ERGIC3: variants seen among roughly 807,000 people sequenced by gnomAD.
The protein encoded by ERGIC3 is ERGIC and golgi 3.
In ERGIC3, 33 loss-of-function variants were observed where a neutral mutation model predicts 54.7. The ratio of observed to expected loss-of-function variants is 0.60; its 90% CI spans 0.46 to 0.81. The LOEUF (loss-of-function observed/expected upper bound fraction) is 0.81. Among genes scored for constraint, ERGIC3 ranks in the 30% least tolerant of loss-of-function variants. ERGIC3 has a pLI of 0.00. For missense variants in ERGIC3, 399 were observed against 488.4 expected (o/e 0.82, Z 1.73); for synonymous variants, 186 against 189.8 (o/e 0.98, Z 0.16).
At chr20:35,548,776 A>T (rs769569948) in intron 6 of ERGIC3, 32 bp from the exon 7 acceptor site, 1 of 1,614,242 alleles carries the variant, frequency 6.2e-7, no homozygotes, top group East Asian at 2.2e-5. Context: ...AGGAGGACAC[A>T]GCCAGTGAAT....
intron 4 of ERGIC3, among the ~76,000 whole-genome samples, chr20:35,545,721 T>C (rs76990836): frequency 0.015 from 2,231 of 152,218 alleles, 44 homozygotes; most frequent in South Asian, 0.079. Flanking sequence ...GAAGTGGGGA[T>C]CATTGAGGAC....
chr20:35,550,352 A>G (rs1176263429), intron 7 of ERGIC3, among the ~76,000 whole-genome samples: 4 of 152,142 alleles, frequency 2.6e-5, no homozygotes, highest in Non-Finnish European at 5.9e-5. Flanking sequence ...GCAGTAGCTC[A>G]TACCTGTAAT....
chr20:35,544,621 T>C, intron 4 of ERGIC3: 1 of 242,974 alleles, frequency 4.1e-6, no homozygotes, highest in Non-Finnish European at 8.8e-6. Flanking sequence ...TCTCGGATCA[T>C]GTCCCACATG....
rs528748526 is a variant in ERGIC3 at position 35,551,204 on chromosome 20, G to A, written c.685+2339G>A. Among the ~76,000 whole-genome samples the A allele has an allele frequency of 2.0e-5, 3 of 151,988 alleles. No individual in the cohort carries two copies. The South Asian group carries it at 6.2e-4, about 32-fold the overall frequency. ...AGCTACTCGGGAGGCTGAGGTAGGA[G>A]AATTGCTTGAACCCAGGAGGCGGAG... On this transcript the variant is annotated intron_variant, in intron 7 of 12. Coordinates refer to ENST00000348547, the MANE Select transcript of ERGIC3 (RefSeq NM_015966.3).
chr20:35,551,458 AGTTT>A (rs2064681457), intron 7 of ERGIC3, among the ~76,000 whole-genome samples: 1 of 152,162 alleles, frequency 6.6e-6, no homozygotes, highest in Non-Finnish European at 1.5e-5. Flanking sequence ...GTGTCAAGTA[AGTTT>A]TCCATTCAAG....
chr20:35,555,233 CTT>C (rs1422259242), intron 8 of ERGIC3, among the ~76,000 whole-genome samples, 158 bp downstream of exon 8: 2 of 152,062 alleles, frequency 1.3e-5, no homozygotes, highest in African/African-American at 4.8e-5. Context: ...GCGAGAGTGA[CTT>C]TTGAACTGAA....
intron 4 of ERGIC3, among the ~76,000 whole-genome samples, chr20:35,546,500 A>C (rs1198919822): frequency 6.6e-6 from 1 of 152,226 alleles, no homozygotes; most frequent in Non-Finnish European, 1.5e-5. Flanking sequence ...TGAACTGATT[A>C]GAGAAATGAA....
chr20:35,548,399 G>A (rs977622837), intron 5 of ERGIC3, 110 bp from the exon 6 acceptor site: 3 of 1,171,194 alleles, frequency 2.6e-6, no homozygotes, highest in Non-Finnish European at 3.6e-6. Context: ...CAGGGATGAG[G>A]CTAGCAGAGC....
chr20:35,556,366 C>T (rs1223978127), intron 10 of ERGIC3, 95 bp downstream of exon 10: 1 of 1,304,610 alleles, frequency 7.7e-7, no homozygotes, highest in African/African-American at 1.5e-5. Flanking sequence ...TGAAAGCTGC[C>T]TCGTCCTCAC....
At chr20:35,556,494 T>G (rs2064713655) in intron 10 of ERGIC3, 1 of 577,426 alleles carries the variant, frequency 1.7e-6, no homozygotes, top group African/African-American at 1.9e-5. Context: ...TCACCGCTTC[T>G]ATCCGTTCCT....
intron 7 of ERGIC3, among the ~76,000 whole-genome samples, chr20:35,550,047 A>G (rs115622982): frequency 0.014 from 2,067 of 152,148 alleles, 56 homozygotes; most frequent in African/African-American, 0.047. Context: ...ATGGACCAAA[A>G]CAAGGCAGGA....
rs547706779 is a variant in ERGIC3, at chr20:35,548,905, C to T, written c.685+40C>T. The stretch of plus-strand genomic sequence containing the variant: ...CTAGCTGGGGAGATTTAGATGCTGG[C>T]CACCTTCTTGGTGAGCTTGAGTGGT... On this transcript the variant is annotated intron_variant, in intron 7 of 12. Coordinates refer to ENST00000348547, the MANE Select transcript of ERGIC3 (RefSeq NM_015966.3). The T allele has an allele frequency of 3.4e-5, 55 of 1,609,684 alleles. 1 individual carries two copies. In the East Asian group the frequency reaches 4.2e-4, roughly 12 times the overall value.
chr20:35,557,251 T>TAAGA lies in ERGIC3; in HGVS notation c.1072+3_1072+6dup. 6.2e-7 allele frequency: 1 copy of TAAGA among 1,613,936 alleles called. No homozygotes were observed. The highest frequency in any genetic ancestry group is 8.5e-7 in the Non-Finnish European group (1 of 1,179,980). On this transcript the variant is annotated splice_region_variant and intron_variant, in intron 12 of 12. Transcript: ENST00000348547. ...CCATCATTGGGGGCATGTTCACAGG[T>TAAGA]AAGAGGCCCAGGGCGTCTGTGAGCT...
intron 7 of ERGIC3, among the ~76,000 whole-genome samples, chr20:35,554,126 C>T (rs1397433736): frequency 6.6e-6 from 1 of 152,202 alleles, no homozygotes. Context: ...CCCAAGGCCA[C>T]ACAGTCAGGA....
intron 7 of ERGIC3, among the ~76,000 whole-genome samples, chr20:35,550,694 G>T (rs79252919): frequency 0.012 from 1,902 of 152,256 alleles, 36 homozygotes; most frequent in African/African-American, 0.042. Context: ...GACTCGGGCC[G>T]TTACTCTGCA....
intron 4 of ERGIC3, chr20:35,547,183 A>G: frequency 2.0e-6 from 1 of 495,412 alleles, no homozygotes; most frequent in South Asian, 2.1e-5. Context: ...AGTGATCTGT[A>G]CACAGCTAAT....
In ERGIC3 at chr20:35,548,504, T is replaced by TA. The variant is rs763783785; in HGVS notation, c.462-4dup. 4.6e-5 allele frequency: 75 copies of TA among 1,613,738 alleles called. No individual in the cohort carries two copies. The highest frequency in any genetic ancestry group is 5.9e-5 in the Non-Finnish European group (70 of 1,179,948). ...ACACTCTCACCGTCACTCCCTGCCC[T>TA]ACAGGTGCTGTAACACCTGTGAAGA... On this transcript the variant is annotated splice_polypyrimidine_tract_variant and splice_region_variant and intron_variant, in intron 5 of 12. Coordinates refer to ENST00000348547, the MANE Select transcript of ERGIC3 (RefSeq NM_015966.3).
At position 35,556,414 on chromosome 20, in the gene ERGIC3, G is replaced by A. The variant is rs371077498; in HGVS notation, c.879+143G>A. ...AGACTGAGGCACAGAGAGGGTGGGG[G>A]ATTTGCCCTCCCAGGCAGAGTGCAG... On this transcript the variant is annotated intron_variant, in intron 10 of 12. Coordinates refer to ENST00000348547, the MANE Select transcript of ERGIC3 (RefSeq NM_015966.3). The A allele has an allele frequency of 3.4e-6, 3 of 888,722 alleles. No homozygotes were observed. In the Admixed American group the frequency reaches 6.6e-5, roughly 19 times the overall value. The allele number at this position is 888,722 out of a possible 1,614,324, so 55.1% of individuals were successfully genotyped here.
Position 35,548,885 on chromosome 20 carries a change from T to G in ERGIC3, c.685+20T>G. On this transcript the variant is annotated intron_variant, in intron 7 of 12. Coordinates refer to ENST00000348547, the MANE Select transcript of ERGIC3 (RefSeq NM_015966.3). ...TGCACGGTGAGTGATCTGCACTAGC[T>G]GGGGAGATTTAGATGCTGGCCACCT... The G allele has an allele frequency of 6.2e-7, 1 of 1,613,826 alleles. No individual in the cohort carries two copies. The highest frequency in any genetic ancestry group is 8.5e-7 in the Non-Finnish European group (1 of 1,179,774).
Sources: allele counts gnomAD v4.1 joint callset (sites outside exome capture counted in the v4.1 genomes callset), GRCh38; gene constraint gnomAD v4.1.1; transcripts MANE v1.5; gene names NCBI Gene and HGNC (gene_info 2026-07-23, HGNC 2026-07-21).